The following ADD3 variants were observed in gnomAD, a reference collection of about 807,000 sequenced individuals.
ADD3 encodes the protein gamma-adducin.
Under a neutral mutation model 80.2 loss-of-function variants are expected in ADD3, and 25 were observed. That is an observed-to-expected ratio of 0.31 (90% CI 0.23 to 0.44). ADD3 has a LOEUF of 0.44. ADD3 is among the 20% of genes least tolerant of loss of function. ADD3 has a pLI of 1.00. For missense variants in ADD3, 829 were observed against 847.5 expected (o/e 0.98, Z 0.27); for synonymous variants, 284 against 289.6 (o/e 0.98, Z 0.20).
chr10:110,029,516 G>C (rs1854736136), intron 1 of ADD3, among the ~76,000 whole-genome samples: 1 of 152,146 alleles, frequency 6.6e-6, no homozygotes, highest in East Asian at 1.9e-4. Flanking sequence ...TATATATTTT[G>C]AGATATTTAT....
rs150069167 is a variant in ADD3 at position 110,050,685 on chromosome 10, G to A, written c.-30+42386G>A. Reference sequence around the variant, plus strand: ...GCACGACCACACCAAGCTAATTTTCGTTTTTTAGTGGAGACAGGTTTCACC... The same window carrying A: ...GCACGACCACACCAAGCTAATTTTCATTTTTTAGTGGAGACAGGTTTCACC... On this transcript the variant is annotated intron_variant, in intron 1 of 14. Transcript: ENST00000356080. Among the ~76,000 whole-genome samples the A allele has an allele frequency of 5.7e-3, 862 of 151,716 alleles. 4 individuals are homozygous for A. The highest frequency in any genetic ancestry group is 9.5e-3 in the Non-Finnish European group (645 of 67,826).
intron 12 of ADD3, among the ~76,000 whole-genome samples, chr10:110,128,719 CTTT>C (rs1243356883): frequency 6.6e-6 from 1 of 152,066 alleles, no homozygotes; most frequent in Non-Finnish European, 1.5e-5. Context: ...GCCCAGCCAA[CTTT>C]TTTATTTTTA....
chr10:110,010,935 T>C (rs979056360), intron 1 of ADD3, among the ~76,000 whole-genome samples: 1 of 152,206 alleles, frequency 6.6e-6, no homozygotes, highest in African/African-American at 2.4e-5. Context: ...AAGTTATGCT[T>C]AAATCTAAGG....
intron 1 of ADD3, among the ~76,000 whole-genome samples, chr10:110,032,729 A>G (rs2133207905): frequency 6.6e-6 from 1 of 152,314 alleles, no homozygotes; most frequent in South Asian, 2.1e-4. Flanking sequence ...TTCTATTAAT[A>G]CTTCTCTGGC....
chr10:110,021,007 CTA>C (rs61621049), intron 1 of ADD3, among the ~76,000 whole-genome samples: 7 of 152,000 alleles, frequency 4.6e-5, no homozygotes, highest in African/African-American at 1.7e-4. Flanking sequence ...TATAGGCCGA[CTA>C]TATAAACTTG....
At chr10:110,115,955 T>G (rs1850680695) in intron 3 of ADD3, among the ~76,000 whole-genome samples, 1 of 152,234 alleles carries the variant, frequency 6.6e-6, no homozygotes, top group African/African-American at 2.4e-5. Flanking sequence ...TTAACACTTT[T>G]ACCCTCGGAG....
chr10:110,063,737 T>TTTTATATATATA (rs1491263798), intron 1 of ADD3, among the ~76,000 whole-genome samples: 9 of 64,658 alleles, frequency 1.4e-4, no homozygotes, highest in Non-Finnish European at 3.0e-4. Context: ...TATATATTCA[T>TTTTATATATATA]TATATATATA....
At position 110,134,997 on chromosome 10, in the gene ADD3, A is replaced by T. The variant is rs1222870027; in HGVS notation, c.*1379A>T. ...AGGCGTTTCCCCTTTCACCCAAGTG[A>T]TGTCACAGTTCGATGCAAAATCAAT... On this transcript the variant is annotated 3_prime_UTR_variant, in exon 15 of 15. Transcript: ENST00000356080. 1 of 152,240 alleles carries T rather than the reference A, an allele frequency of 6.6e-6. No individual in the cohort carries two copies. Among genetic ancestry groups the T allele is most frequent in the African/African-American group, 2.4e-5 (1 of 41,450 alleles). 9.4% of individuals were successfully genotyped at this position (152,240 alleles called of 1,614,324 possible). A position where few individuals can be genotyped will look rare whatever the true frequency, so the allele number is the denominator to read the frequency against.
chr10:110,058,671 C>T (rs1858506524), intron 1 of ADD3, among the ~76,000 whole-genome samples: 1 of 152,154 alleles, frequency 6.6e-6, no homozygotes, highest in Non-Finnish European at 1.5e-5. Flanking sequence ...AAAATGCTCA[C>T]CACCTCCTCT....
At chr10:110,120,070 T>C (rs1851264973) in intron 8 of ADD3, among the ~76,000 whole-genome samples, 1 of 142,802 alleles carries the variant, frequency 7.0e-6, no homozygotes, top group Non-Finnish European at 1.5e-5. Context: ...TTTCTTTTTC[T>C]TTTTCTTTTT....
At chr10:110,079,362 T>C (rs1219807252) in intron 1 of ADD3, 2 of 151,210 alleles carry the variant, frequency 1.3e-5, no homozygotes, top group East Asian at 3.9e-4. Context: ...TGTGACAAAA[T>C]GTTTTTCCCA....
intron 13 of ADD3, 100 bp from the exon 14 acceptor site, chr10:110,132,205 T>C: frequency 1.4e-6 from 1 of 725,178 alleles, no homozygotes; most frequent in South Asian, 1.7e-5. Flanking sequence ...ATTTATCATC[T>C]CTTTGTATAC....
chr10:110,035,735 T>C (rs1855559869), intron 1 of ADD3, among the ~76,000 whole-genome samples: 1 of 152,340 alleles, frequency 6.6e-6, no homozygotes, highest in Middle Eastern at 3.4e-3. Flanking sequence ...TAAGGCCCGG[T>C]AATTTGCATT....
intron 1 of ADD3, among the ~76,000 whole-genome samples, chr10:110,026,456 T>G (rs1329693780): frequency 1.3e-5 from 2 of 152,028 alleles, no homozygotes; most frequent in Non-Finnish European, 2.9e-5. Context: ...AATTTTGTAT[T>G]TTTAGTAGAG....
intron 1 of ADD3, among the ~76,000 whole-genome samples, chr10:110,067,736 G>A (rs540811902): frequency 4.2e-4 from 64 of 152,274 alleles, no homozygotes; most frequent in Non-Finnish European, 8.1e-4. Context: ...GCTTCATCAT[G>A]ACAGTCAATA....
chr10:110,043,447 T>C (rs1423630773), intron 1 of ADD3, among the ~76,000 whole-genome samples: 1 of 152,226 alleles, frequency 6.6e-6, no homozygotes, highest in Non-Finnish European at 1.5e-5. Context: ...GTTATTCCAT[T>C]TTTAGGGTTA....
chr10:110,124,803 G>A (rs1339039149), intron 10 of ADD3, among the ~76,000 whole-genome samples: 1 of 152,100 alleles, frequency 6.6e-6, no homozygotes, highest in Non-Finnish European at 1.5e-5. Context: ...GGTTTGGTTT[G>A]GTTTTGGAGT....
At chr10:110,117,291 C>A in intron 4 of ADD3, 51 bp from the exon 5 acceptor site, 3 of 946,390 alleles carry the variant, frequency 3.2e-6, no homozygotes, top group South Asian at 1.5e-5. Flanking sequence ...CATGTTTCCA[C>A]TGCAAAATAT....
intron 1 of ADD3, chr10:109,997,660 G>C (rs555186129): frequency 3.9e-4 from 60 of 152,298 alleles, no homozygotes; most frequent in African/African-American, 1.4e-3. Context: ...CGTATGATTT[G>C]ACTATATTTG....
Sources: allele counts gnomAD v4.1 joint callset (sites outside exome capture counted in the v4.1 genomes callset), GRCh38; gene constraint gnomAD v4.1.1; transcripts MANE v1.5; gene names NCBI Gene and HGNC (gene_info 2026-07-23, HGNC 2026-07-21).